ETS1: variants seen among roughly 807,000 people sequenced by gnomAD.
The protein encoded by ETS1 is protein C-ets-1.
A neutral mutation model predicts 58.6 loss-of-function variants in ETS1; 15 were observed. The observed-to-expected ratio is 0.26, with a 90% CI of 0.17 to 0.39. ETS1 has a LOEUF of 0.39. Ranked by LOEUF, ETS1 falls within the 10% of genes least tolerant of loss-of-function variation. ETS1 has a pLI of 1.00. For synonymous variants in ETS1, 214 were observed against 218.2 expected, an observed-to-expected ratio of 0.98 and a Z score of 0.17; for missense variants, 417 against 610.5, an observed-to-expected ratio of 0.68 and a Z score of 3.34.
chr11:128,576,346 T>C lies in ETS1; in HGVS notation c.-14-3202A>G, dbSNP rs538095615. 7.2e-4 allele frequency among the ~76,000 whole-genome samples: 109 copies of C among 152,310 alleles called. 4 individuals are homozygous for C. In the South Asian group the frequency reaches 0.022, roughly 31 times the overall value. On this transcript the variant is annotated intron_variant, in intron 1 of 9. Transcript: ENST00000392668. ...TGAAGTGTTTAGGTAGTTTTTTTAG[T>C]AGCGTTTGTTTTTTCTTTTCTTTTT...
At chr11:128,534,707 G>A (rs895169573) in intron 3 of ETS1, among the ~76,000 whole-genome samples, 11 of 152,184 alleles carry the variant, frequency 7.2e-5, no homozygotes, top group African/African-American at 2.7e-4. Flanking sequence ...TTAGTTTGCT[G>A]AGGAGAATGG....
At chr11:128,563,093 G>T (rs569625237) in intron 2 of ETS1, among the ~76,000 whole-genome samples, 22 of 152,166 alleles carry the variant, frequency 1.4e-4, no homozygotes, top group Non-Finnish European at 2.5e-4. Context: ...AGTCTTCAAT[G>T]TCCACATGCG....
chr11:128,516,060 C>G (rs1192488268), intron 3 of ETS1, among the ~76,000 whole-genome samples: 1 of 152,212 alleles, frequency 6.6e-6, no homozygotes, highest in Non-Finnish European at 1.5e-5. Context: ...TACCACAATC[C>G]ACCCTGCAGA....
chr11:128,544,723 C>T (rs1407897399), intron 3 of ETS1, among the ~76,000 whole-genome samples: 5 of 152,092 alleles, frequency 3.3e-5, no homozygotes, highest in Non-Finnish European at 1.5e-5. Flanking sequence ...CTCACTCACA[C>T]GGAACAGCTG....
intron 3 of ETS1, among the ~76,000 whole-genome samples, chr11:128,534,941 C>A (rs1015730701): frequency 2.0e-5 from 3 of 152,042 alleles, no homozygotes; most frequent in African/African-American, 7.3e-5. Flanking sequence ...GGGTATATAC[C>A]CAGTAATGGG....
intron 2 of ETS1, among the ~76,000 whole-genome samples, chr11:128,570,647 A>G (rs1251407773): frequency 1.3e-5 from 2 of 152,230 alleles, no homozygotes; most frequent in Non-Finnish European, 2.9e-5. Flanking sequence ...TTTCAAGTCA[A>G]TGACACATTT....
intron 7 of ETS1, among the ~76,000 whole-genome samples, chr11:128,483,926 A>G (rs990877722): frequency 6.6e-6 from 1 of 152,214 alleles, no homozygotes; most frequent in Non-Finnish European, 1.5e-5. Context: ...TACCCACCAG[A>G]AAAGTCAGGT....
Position 128,494,767 on chromosome 11 carries a change from T to C in ETS1, c.215-4191A>G, listed in dbSNP as rs977383678. Among the ~76,000 whole-genome samples the C allele has an allele frequency of 2.6e-5, 4 of 152,236 alleles. No individual in the cohort carries two copies. The East Asian group carries it at 7.7e-4, about 29-fold the overall frequency. On this transcript the variant is annotated intron_variant, in intron 3 of 9. Coordinates refer to ENST00000392668, the MANE Select transcript of ETS1 (RefSeq NM_001143820.2). Reference sequence around the variant, plus strand: ...AGAAGTTCAAGACATCTGGCCTTACTGACCTCACGAGTTTATGCTCTCACT... The same window carrying C: ...AGAAGTTCAAGACATCTGGCCTTACCGACCTCACGAGTTTATGCTCTCACT...
intron 3 of ETS1, among the ~76,000 whole-genome samples, chr11:128,540,436 G>C (rs759333669): frequency 5.5e-4 from 83 of 151,820 alleles, no homozygotes; most frequent in Admixed American, 9.8e-4. Context: ...TAGGTGAATT[G>C]TATAGTATGT....
At chr11:128,542,185 A>G (rs534524994) in intron 3 of ETS1, among the ~76,000 whole-genome samples, 114 of 152,328 alleles carry the variant, frequency 7.5e-4, no homozygotes, top group Middle Eastern at 3.4e-3. Flanking sequence ...CCCCAGCCCC[A>G]TTATTTCATT....
intron 3 of ETS1, among the ~76,000 whole-genome samples, chr11:128,525,274 C>CA (rs1863779355): frequency 6.6e-6 from 1 of 152,074 alleles, no homozygotes; most frequent in Non-Finnish European, 1.5e-5. Flanking sequence ...AGAAAATAGT[C>CA]ACCTTCATAC....
At chr11:128,506,781 A>C (rs1366506930) in intron 3 of ETS1, among the ~76,000 whole-genome samples, 1 of 152,178 alleles carries the variant, frequency 6.6e-6, no homozygotes, top group Non-Finnish European at 1.5e-5. Flanking sequence ...TTCCAGAGGC[A>C]GACACCTGGT....
intron 3 of ETS1, among the ~76,000 whole-genome samples, chr11:128,498,254 A>T (rs1000846889): frequency 1.6e-4 from 25 of 151,666 alleles, no homozygotes; most frequent in African/African-American, 5.8e-4. Flanking sequence ...ATAAAGACTT[A>T]AAAAAAAAGA....
chr11:128,540,916 C>A (rs771856127), intron 3 of ETS1, among the ~76,000 whole-genome samples: 4 of 152,188 alleles, frequency 2.6e-5, no homozygotes, highest in African/African-American at 4.8e-5. Context: ...AGAATAACAA[C>A]GCTCAAGGAT....
intron 2 of ETS1, among the ~76,000 whole-genome samples, chr11:128,570,499 C>A (rs529132184): frequency 3.5e-3 from 531 of 152,296 alleles, no homozygotes; most frequent in Admixed American, 5.8e-3. Context: ...GCCTCAGCCT[C>A]CCAAAGTGCC....
chr11:128,577,768 G>C (rs1864780246), intron 1 of ETS1, among the ~76,000 whole-genome samples: 2 of 152,162 alleles, frequency 1.3e-5, no homozygotes, highest in Admixed American at 6.5e-5. Context: ...AGGTCTCATG[G>C]ATGCTGCTTA....
intron 2 of ETS1, among the ~76,000 whole-genome samples, chr11:128,566,020 C>T (rs184092021): frequency 4.6e-5 from 7 of 152,192 alleles, no homozygotes; most frequent in East Asian, 1.9e-4. Context: ...GCAAGGAGGC[C>T]CAATTAAACT....
rs188271058 is a variant in ETS1, at chr11:128,558,850, G to A, written c.70-2415C>T. ...TTAACAAAACTTTGAAACTGAATCA[G>A]TTCAAAACACACTTCCTAGTCTTAT... On this transcript the variant is annotated intron_variant, in intron 2 of 9. Transcript: ENST00000392668. Among the ~76,000 whole-genome samples, 452 of 152,248 alleles carry A rather than the reference G, an allele frequency of 3.0e-3. 3 individuals are homozygous for A. Among genetic ancestry groups the A allele is most frequent in the Non-Finnish European group, 4.2e-3 (283 of 68,016 alleles).
At chr11:128,544,340 A>AAAATATATATATATATAT (rs1864099158) in intron 3 of ETS1, among the ~76,000 whole-genome samples, 1 of 117,088 alleles carries the variant, frequency 8.5e-6, no homozygotes. Flanking sequence ...ATTGTTTACT[A>AAAATATATATATATATAT]ATATATATAT....
Sources: gnomAD v4.1 joint callset for allele counts (sites outside exome capture counted in the v4.1 genomes callset) on GRCh38, gnomAD v4.1.1 for gene constraint, MANE v1.5 for transcripts, NCBI Gene and HGNC (gene_info 2026-07-23, HGNC 2026-07-21) for gene names.